SETX: variants seen among roughly 807,000 people sequenced by gnomAD.
The protein encoded by SETX is senataxin, also known as helicase senataxin.
A neutral mutation model predicts 227.2 loss-of-function variants in SETX; 90 were observed. That is an observed-to-expected ratio of 0.40 (90% CI 0.33 to 0.47). The LOEUF is 0.47. Ranked by LOEUF, SETX falls within the 20% of genes least tolerant of loss-of-function variation. The pLI, the probability that SETX is intolerant of heterozygous loss-of-function variation, is 0.91. For missense variants in SETX, 3,052 were observed against 3,181.5 expected, an observed-to-expected ratio of 0.96 and a Z score of 0.98; for synonymous variants, 1,210 against 1,113.2, an observed-to-expected ratio of 1.09 and a Z score of -1.73.
At chr9:132,278,437 C>CTTTTTTTTTTTTTTTTTTTTTT (rs67558000) in intron 20 of SETX, among the ~76,000 whole-genome samples, 180 bp from the exon 21 acceptor site, 1 of 84,832 alleles carries the variant, frequency 1.2e-5, no homozygotes, top group African/African-American at 3.8e-5. Context: ...TGCCATGAAT[C>CTTTTTTTTTTTTTTTTTTTTTT]TTTTTTTTTT....
chr9:132,290,757 G>A (rs1031869145), intron 15 of SETX, among the ~76,000 whole-genome samples: 6 of 151,970 alleles, frequency 3.9e-5, no homozygotes, highest in African/African-American at 9.7e-5. Context: ...TTAGCCAGGC[G>A]TGGTGGCCTC....
At chr9:132,298,452 T>C in intron 12 of SETX, 140 bp from the exon 13 acceptor site, 3 of 773,492 alleles carry the variant, frequency 3.9e-6, no homozygotes, top group South Asian at 3.1e-5. Flanking sequence ...ATTTATGGAC[T>C]GCTTCCTGAA....
intron 10 of SETX, among the ~76,000 whole-genome samples, chr9:132,315,780 G>A (rs1056626475): frequency 3.3e-5 from 5 of 152,032 alleles, no homozygotes; most frequent in African/African-American, 9.7e-5. Flanking sequence ...CCAAATCTCC[G>A]GTTCGTGATG....
At position 132,330,019 on chromosome 9, in the gene SETX, G is replaced by C. The variant is rs774240718; in HGVS notation, c.1579C>G (p.Pro527Ala). The change falls in exon 10 of 26, where the codon CCA (proline) becomes GCA (alanine). Residue 527 changes from proline to alanine, a missense_variant. This residue lies in a region of SETX where 179 missense variants were observed against 197.1 expected (regional missense o/e 0.91). Coordinates refer to ENST00000224140, the MANE Select transcript of SETX (RefSeq NM_015046.7). Reference protein sequence around the residue: ...MISSLSLHSMPSNSVQLAYVQ... With the variant: ...MISSLSLHSMASNSVQLAYVQ... ...TAAGCAAGTTGTACAGAGTTAGATGGCATGGAATGCAATGACAGTGAAGAT... is the reference window on the plus strand; with the variant it reads ...TAAGCAAGTTGTACAGAGTTAGATGCCATGGAATGCAATGACAGTGAAGAT... The C allele has an allele frequency of 3.7e-6, 6 of 1,614,052 alleles. No individual in the cohort carries two copies. Among genetic ancestry groups the C allele is most frequent in the Non-Finnish European group, 5.1e-6 (6 of 1,180,012 alleles).
rs1445615401 is a variant in SETX at position 132,329,149 on chromosome 9, C to G, written c.2449G>C (p.Val817Leu). 1 of 1,611,372 alleles carries G rather than the reference C, an allele frequency of 6.2e-7. No homozygotes were observed. The highest frequency in any genetic ancestry group is 2.2e-5 in the East Asian group (1 of 44,822). ...NTINLDENLT[V>L]SNIESFYSRK... is the part of the protein sequence containing the mutation. ...GAATAGAAACTCTCAATGTTAGATA[C>G]AGTCAAATTTTCATCTAAATTGATA... The change falls in exon 10 of 26, where the codon GTA (valine) becomes CTA (leucine). Residue 817 changes from valine to leucine, a missense_variant. Val to Leu is a conservative substitution (Grantham distance 32). Around this residue, in one of 10 missense-constraint regions of SETX, gnomAD observed 1,483 missense variants for 1,312.0 expected, o/e 1.13. Coordinates refer to ENST00000224140, the MANE Select transcript of SETX (RefSeq NM_015046.7).
intron 11 of SETX, among the ~76,000 whole-genome samples, chr9:132,301,356 G>T (rs1202173477): frequency 6.6e-6 from 1 of 151,894 alleles, no homozygotes; most frequent in Non-Finnish European, 1.5e-5. Context: ...CAAAGTGCTG[G>T]GATTACAGGG....
intron 11 of SETX, among the ~76,000 whole-genome samples, chr9:132,311,105 T>G (rs1480632269): frequency 6.6e-6 from 1 of 152,164 alleles, no homozygotes; most frequent in Non-Finnish European, 1.5e-5. Context: ...TAGCAGGGAC[T>G]ACAGGCACCC....
chr9:132,283,033 A>G, intron 19 of SETX: 1 of 548,794 alleles, frequency 1.8e-6, no homozygotes, highest in Non-Finnish European at 3.3e-6. Context: ...AGATTTTGTT[A>G]GAAACCATCA....
At chr9:132,296,772 T>C (rs1031817433) in intron 14 of SETX, 115 bp downstream of exon 14, 48 of 976,058 alleles carry the variant, frequency 4.9e-5, no homozygotes, top group Non-Finnish European at 7.0e-5. Flanking sequence ...ATATAAAAAA[T>C]ATATACAAAT....
intron 18 of SETX, among the ~76,000 whole-genome samples, chr9:132,285,584 A>G (rs1453217568): frequency 6.6e-6 from 1 of 152,014 alleles, no homozygotes; most frequent in Non-Finnish European, 1.5e-5. Flanking sequence ...CATCTCTATT[A>G]AAAATACAAA....
intron 15 of SETX, among the ~76,000 whole-genome samples, chr9:132,289,491 T>A (rs948658113): frequency 2.0e-5 from 3 of 152,202 alleles, no homozygotes; most frequent in African/African-American, 4.8e-5. Flanking sequence ...CTTTATGAAC[T>A]CTTAACCTGT....
At chr9:132,344,894 T>C (rs1453447543) in intron 4 of SETX, among the ~76,000 whole-genome samples, 1 of 151,104 alleles carries the variant, frequency 6.6e-6, no homozygotes, top group Non-Finnish European at 1.5e-5. Flanking sequence ...AAAAAGGTAT[T>C]GTTAGATTTG....
At chr9:132,295,793 T>G in intron 15 of SETX, 79 bp downstream of exon 15, 1 of 1,333,458 alleles carries the variant, frequency 7.5e-7, no homozygotes, top group African/African-American at 1.5e-5. Context: ...ACTGGCCTGC[T>G]CTTTCCTTTG....
chr9:132,298,219 C>G lies in SETX; in HGVS notation c.5642G>C (p.Ser1881Thr). ...CTTCCTTTGTGTAGTTACCAGAGAA[C>G]TGATTACAATACAATTCACAAGTTC... ...LNELVNCIVI[S>T]SLVTTQRKLK... Residue 1881 changes from serine (S) to threonine (T), a missense_variant, in exon 13 of 26, where the codon AGT becomes ACT. This residue lies in a region of SETX where 239 missense variants were observed against 272.1 expected (regional missense o/e 0.88). Transcript: ENST00000224140. 6.2e-7 allele frequency: 1 copy of G among 1,614,062 alleles called. No individual in the cohort carries two copies. The highest frequency in any genetic ancestry group is 1.3e-5 in the African/African-American group (1 of 75,030).
intron 11 of SETX, among the ~76,000 whole-genome samples, chr9:132,305,315 C>G (rs1409902762): frequency 5.6e-5 from 8 of 142,768 alleles, no homozygotes; most frequent in African/African-American, 2.2e-4. Context: ...GATTGTGCCA[C>G]TGCACTCCCG....
chr9:132,289,693 A>G (rs1844171013), intron 15 of SETX, among the ~76,000 whole-genome samples: 1 of 152,200 alleles, frequency 6.6e-6, no homozygotes, highest in Non-Finnish European at 1.5e-5. Context: ...AAAGCTTTTA[A>G]AACTATGTTC....
At chr9:132,340,551 CA>C (rs1462417058) in intron 5 of SETX, among the ~76,000 whole-genome samples, 1 of 13,380 alleles carries the variant, frequency 7.5e-5, no homozygotes, top group African/African-American at 1.6e-4. Context: ...AAAACGTACT[CA>C]CTCACTGCCA....
At chr9:132,288,111 G>C in intron 17 of SETX, 125 bp downstream of exon 17, 3 of 743,192 alleles carry the variant, frequency 4.0e-6, no homozygotes, top group Admixed American at 2.1e-5. Context: ...AGGAAGGTGA[G>C]GCTGCAGTGA....
At position 132,327,961 on chromosome 9, in the gene SETX, G is replaced by C. The variant is rs1846944600; in HGVS notation, c.3637C>G (p.Gln1213Glu). 1 of 1,613,820 alleles carries C rather than the reference G, an allele frequency of 6.2e-7. No homozygotes were observed. The highest frequency in any genetic ancestry group is 1.3e-5 in the African/African-American group (1 of 74,862). ...TTTTGTGAAACCGTAGTGGCTCTCT[G>C]AATACGTGAATTGGGAGTTGAAGTC... ...RRTSTPNSRI[Q>E]RATTVSQKKS... The change falls in exon 10 of 26, where the codon CAG (glutamine) becomes GAG (glutamate). Residue 1213 changes from glutamine to glutamate, a missense_variant. Gln to Glu is a conservative substitution (Grantham distance 29). Around this residue, in one of 10 missense-constraint regions of SETX, gnomAD observed 1,483 missense variants for 1,312.0 expected, o/e 1.13. Transcript: ENST00000224140.
Sources: allele counts gnomAD v4.1 joint callset (sites outside exome capture counted in the v4.1 genomes callset), GRCh38; gene constraint gnomAD v4.1.1; regional missense constraint gnomAD v4.1.1; transcripts MANE v1.5; gene names NCBI Gene and HGNC (gene_info 2026-07-23, HGNC 2026-07-21).